EPS8L1: variants seen among roughly 807,000 people sequenced by gnomAD.
EPS8L1 encodes epidermal growth factor receptor kinase substrate 8-like protein 1.
A neutral mutation model predicts 91.7 loss-of-function variants in EPS8L1; 101 were observed. That is an observed-to-expected ratio of 1.10 (90% CI 0.94 to 1.30). The LOEUF (loss-of-function observed/expected upper bound fraction) is 1.30. EPS8L1 is among the 50% of genes most tolerant of loss of function. EPS8L1 has a pLI of 0.00. For synonymous variants in EPS8L1, 506 were observed against 445.3 expected (o/e 1.14, Z -1.72); for missense variants, 1,114 against 1,017.0 (o/e 1.10, Z -1.30).
Position 55,079,715 on chromosome 19 carries a change from A to T in EPS8L1, c.143A>T (p.Glu48Val), listed in dbSNP as rs765127024. 2 of 1,614,090 alleles carry T rather than the reference A, an allele frequency of 1.2e-6. No individual in the cohort carries two copies. The highest frequency in any genetic ancestry group is 3.3e-5 in the Admixed American group (2 of 60,000). ...CACCTGGTGACGTTCTGCCTGGGTG[A>T]GGACGATGGCGTGCATACCGTGGAG... ...VNHLVTFCLG[E>V]DDGVHTVEDA... The change falls in exon 5 of 20, where the codon GAG becomes GTG. Residue 48 changes from glutamate to valine, a missense_variant. By Grantham distance (121) the Glu-to-Val change is moderately radical. Coordinates refer to ENST00000201647, the MANE Select transcript of EPS8L1 (RefSeq NM_133180.3).
rs1424835661 is a variant in EPS8L1 at position 55,083,736 on chromosome 19, T to C, written c.1385+92T>C. On this transcript the variant is annotated intron_variant, in intron 14 of 19. Transcript: ENST00000201647. The surrounding 1 kb of genome is among the most constrained non-coding windows in gnomAD (Gnocchi z 4.7). ...TGACTCCGCCCCCTTTTTTTCTGTG[T>C]TTTTCCTTCTGTCTTCCTGGCTCTT... 1 of 1,528,110 alleles carries C rather than the reference T, an allele frequency of 6.5e-7. No individual in the cohort carries two copies. Among genetic ancestry groups the C allele is most frequent in the Admixed American group, 2.0e-5 (1 of 51,012 alleles). 94.7% of individuals were successfully genotyped at this position (1,528,110 alleles called of 1,614,324 possible). A position where few individuals can be genotyped will look rare whatever the true frequency, so the allele number is the denominator to read the frequency against.
Position 55,087,764 on chromosome 19 carries a change from T to C in EPS8L1, c.*150T>C. On this transcript the variant is annotated 3_prime_UTR_variant, in exon 20 of 20. Coordinates refer to ENST00000201647, the MANE Select transcript of EPS8L1 (RefSeq NM_133180.3). ...CCATCCCGGTGGACAGACTTAACGA[T>C]CCTTGCTGCAGTCCCTCCGGAGAGG... 1.3e-6 allele frequency: 1 copy of C among 791,112 alleles called. No homozygotes were observed. Among genetic ancestry groups the C allele is most frequent in the Non-Finnish European group, 2.1e-6 (1 of 478,358 alleles). 49.0% of individuals were successfully genotyped at this position (791,112 alleles called of 1,614,324 possible).
intron 2 of EPS8L1, among the ~76,000 whole-genome samples, chr19:55,077,865 GC>G (rs2076161587): frequency 1.3e-5 from 2 of 150,582 alleles, no homozygotes; most frequent in Non-Finnish European, 3.0e-5. Context: ...GGGATTACAG[GC>G]GTGAGCCACC....
Position 55,079,792 on chromosome 19 carries a change from C to T in EPS8L1, c.220C>T (p.Gln74Ter), listed in dbSNP as rs1466823222. The change falls in exon 5 of 20, where the codon CAG becomes TAG. Residue 74 changes from glutamine to a stop codon, truncating the protein, a stop_gained. Coordinates refer to ENST00000201647, the MANE Select transcript of EPS8L1 (RefSeq NM_133180.3). LOFTEE classifies it high-confidence loss of function. ...GGATAGCCAGGGCCGAGTCTGGGCACAGGAGATGCTGCTGCGAGTGTCTCC... is the reference window on the plus strand; with the variant it reads ...GGATAGCCAGGGCCGAGTCTGGGCATAGGAGATGCTGCTGCGAGTGTCTCC... ...VMDSQGRVWA[Q>*]EMLLRVSPDH... The T allele has an allele frequency of 4.3e-6, 7 of 1,614,002 alleles. No individual in the cohort carries two copies. The highest frequency in any genetic ancestry group is 5.9e-6 in the Non-Finnish European group (7 of 1,180,018).
intron 3 of EPS8L1, 71 bp from the exon 4 acceptor site, chr19:55,078,928 T>A: frequency 6.5e-7 from 1 of 1,527,052 alleles, no homozygotes; most frequent in Non-Finnish European, 9.1e-7. Flanking sequence ...GCTGGGGGCC[T>A]GGACTCCTGG....
chr19:55,076,217 G>A, intron 1 of EPS8L1, 191 bp from the exon 2 acceptor site: 1 of 494,940 alleles, frequency 2.0e-6, no homozygotes, highest in South Asian at 2.8e-5. Context: ...ACTGGGGTCT[G>A]GACTCCTGGG....
chr19:55,086,861 G>A lies in EPS8L1; in HGVS notation c.1925G>A (p.Trp642Ter). 1.4e-6 allele frequency: 2 copies of A among 1,474,196 alleles called. No homozygotes were observed. The highest frequency in any genetic ancestry group is 1.8e-6 in the Non-Finnish European group (2 of 1,118,730). The allele number at this position is 1,474,196 out of a possible 1,614,324, so 91.3% of individuals were successfully genotyped here. Residue 642 changes from tryptophan (W) to a stop codon, truncating the protein, a stop_gained, in exon 18 of 20, where the codon TGG becomes TAG. Transcript: ENST00000201647. LOFTEE classifies it high-confidence loss of function. Reference protein sequence around the residue: ...PGSDASEVRAWLQAKGFSSGT... With the variant: ...PGSDASEVRA ...TCGGACGCCTCCGAGGTCCGCGCCT[G>A]GCTGCAGGCCAAGGGCTTTAGCTCC... is the stretch of plus-strand genomic sequence containing the variant.
At chr19:55,080,914 G>A in intron 7 of EPS8L1, 60 bp downstream of exon 7, 1 of 1,445,292 alleles carries the variant, frequency 6.9e-7, no homozygotes, top group Non-Finnish European at 9.4e-7. Flanking sequence ...TTGTGCCTCA[G>A]TCTACAACAC....
At chr19:55,079,098 G>A in intron 4 of EPS8L1, 41 bp downstream of exon 4, 1 of 1,606,926 alleles carries the variant, frequency 6.2e-7, no homozygotes, top group Non-Finnish European at 8.5e-7. Context: ...ATCTTCTGGG[G>A]CAAAGGTGGC....
rs369284202 is a variant in EPS8L1, at chr19:55,087,367, C to G, written c.2017C>G (p.Arg673Gly). 1.3e-5 allele frequency: 21 copies of G among 1,612,994 alleles called. No homozygotes were observed. The highest frequency in any genetic ancestry group is 1.6e-5 in the Non-Finnish European group (19 of 1,179,694). ...TTTCTCGCTGCAGAAGGAGGAGCTG[C>G]GGGCGGTGAGCCCCGAGGAGGGGGC... ...QLFSLQKEEL[R>G]AVSPEEGARV... The change falls in exon 19 of 20, where the codon CGG becomes GGG. Residue 673 changes from arginine to glycine, a missense_variant. Arg to Gly is a moderately radical substitution (Grantham distance 125, BLOSUM62 -2). Coordinates refer to ENST00000201647, the MANE Select transcript of EPS8L1 (RefSeq NM_133180.3).
At chr19:55,087,271 G>A (rs1555846650) in intron 18 of EPS8L1, 32 bp from the exon 19 acceptor site, 2 of 1,571,956 alleles carry the variant, frequency 1.3e-6, no homozygotes, top group Non-Finnish European at 8.6e-7. Flanking sequence ...TCCGCCGACC[G>A]GCCTGACCGC....
chr19:55,079,093 CT>C (rs1467365305), intron 4 of EPS8L1, 36 bp downstream of exon 4: 1 of 1,611,006 alleles, frequency 6.2e-7, no homozygotes, highest in Non-Finnish European at 8.5e-7. Flanking sequence ...AGGACATCTT[CT>C]GGGGCAAAGG....
chr19:55,083,247 G>A lies in EPS8L1; in HGVS notation c.1215-131G>A. ...GGCTTAGAGCTACCGGCAGGACTTG[G>A]TGAAAAGTGGCGGGGCTAGAATCGT... is the stretch of plus-strand genomic sequence containing the variant. On this transcript the variant is annotated intron_variant, in intron 12 of 19. Transcript: ENST00000201647. This position sits in a 1 kb window ranked among gnomAD's most constrained non-coding sequence, Gnocchi z 4.7. The A allele has an allele frequency of 1.6e-6, 2 of 1,278,396 alleles. No individual in the cohort carries two copies. The highest frequency in any genetic ancestry group is 2.2e-6 in the Non-Finnish European group (2 of 920,900). 79.2% of individuals were successfully genotyped at this position (1,278,396 alleles called of 1,614,324 possible).
chr19:55,085,606 A>G (rs978794774), intron 14 of EPS8L1: 13 of 418,142 alleles, frequency 3.1e-5, no homozygotes, highest in African/African-American at 2.6e-4. Flanking sequence ...CCTCTGTAAA[A>G]TGGAATCGAT....
rs1006310928 is a variant in EPS8L1 at position 55,082,399 on chromosome 19, G to T, written c.1065+50G>T. The T allele has an allele frequency of 3.7e-6, 6 of 1,612,374 alleles. No homozygotes were observed. In the African/African-American group the frequency reaches 4.0e-5, roughly 11 times the overall value. ...GCCCCCCTGCAGCGGGAGGAATCGG[G>T]TTCGACTTGTAGAAGGTGTGGCGGC... On this transcript the variant is annotated intron_variant, in intron 11 of 19. Coordinates refer to ENST00000201647, the MANE Select transcript of EPS8L1 (RefSeq NM_133180.3).
rs536740277 is a variant in EPS8L1, at chr19:55,076,559, G to A, written c.17+98G>A. 45 of 1,412,484 alleles carry A rather than the reference G, an allele frequency of 3.2e-5. No individual in the cohort carries two copies. The East Asian group carries it at 5.7e-4, about 18-fold the overall frequency. 87.5% of individuals were successfully genotyped at this position (1,412,484 alleles called of 1,614,324 possible). On this transcript the variant is annotated intron_variant, in intron 2 of 19. Transcript: ENST00000201647. ...GCTTGCGGCAGCCCAGACTGTTTGC[G>A]GCGGCCCAGACTCTGGCCCAAGCCC...
chr19:55,084,509 G>A (rs1456821762), intron 14 of EPS8L1: 1 of 152,352 alleles, frequency 6.6e-6, no homozygotes, highest in East Asian at 1.9e-4. Context: ...ACAAAGCAGT[G>A]AGGCTGGAGG....
At position 55,086,531 on chromosome 19, in the gene EPS8L1, G is replaced by T. The variant is rs367780158; in HGVS notation, c.1777+13G>T. 3.2e-4 allele frequency: 491 copies of T among 1,550,506 alleles called. 1 individual carries two copies. The African/African-American group carries it at 5.8e-3, about 18-fold the overall frequency. ...CCCAGCGAGAAGGGTGAGTGGTGGG[G>T]ACGCCGGCTGCGGGGAGCGGTCCTT... On this transcript the variant is annotated intron_variant, in intron 17 of 19. Coordinates refer to ENST00000201647, the MANE Select transcript of EPS8L1 (RefSeq NM_133180.3).
At chr19:55,076,211 G>A in intron 1 of EPS8L1, 197 bp from the exon 2 acceptor site, 1 of 492,410 alleles carries the variant, frequency 2.0e-6, no homozygotes, top group East Asian at 3.4e-5. Flanking sequence ...GAGGGGACTG[G>A]GGTCTGGACT....
Sources: gnomAD v4.1 joint callset for allele counts (sites outside exome capture counted in the v4.1 genomes callset) on GRCh38, gnomAD v4.1.1 for gene constraint, Gnocchi (gnomAD v3.1) non-coding constraint, MANE v1.5 for transcripts, NCBI Gene and HGNC (gene_info 2026-07-23, HGNC 2026-07-21) for gene names.